The following UPP2 variants were observed in gnomAD, a reference collection of about 807,000 sequenced individuals.
The protein encoded by UPP2 is uridine phosphorylase 2.
In UPP2, 23 loss-of-function variants were observed where a neutral mutation model predicts 26.7. That is an observed-to-expected ratio of 0.86 (90% CI 0.62 to 1.22). The LOEUF is 1.22. Ranked by LOEUF, UPP2 falls within the 50% of genes most tolerant of loss-of-function variation. The pLI, the probability that UPP2 is intolerant of heterozygous loss-of-function variation, is 0.00. For synonymous variants in UPP2, 127 were observed against 141.3 expected (o/e 0.90, Z 0.72); for missense variants, 387 against 396.7 (o/e 0.98, Z 0.21).
chr2:158,057,737 C>T (rs1682269604), intron 3 of UPP2, among the ~76,000 whole-genome samples: 1 of 147,198 alleles, frequency 6.8e-6, no homozygotes, highest in African/African-American at 2.6e-5. Flanking sequence ...GATTCAGATT[C>T]TTTTTTGTTT....
At chr2:158,014,372 T>C (rs1236609789) in intron 2 of UPP2, among the ~76,000 whole-genome samples, 4 of 152,212 alleles carry the variant, frequency 2.6e-5, no homozygotes, top group African/African-American at 7.2e-5. Flanking sequence ...CAGGGAGCAG[T>C]GGGTCTGTAG....
intron 3 of UPP2, among the ~76,000 whole-genome samples, chr2:158,087,730 C>T (rs979003689): frequency 1.6e-4 from 25 of 152,058 alleles, no homozygotes; most frequent in African/African-American, 6.0e-4. Flanking sequence ...CTGAAAAAGA[C>T]CATCTTTCCT....
At chr2:158,003,216 A>G (rs1683436067) in intron 2 of UPP2, among the ~76,000 whole-genome samples, 1 of 152,034 alleles carries the variant, frequency 6.6e-6, no homozygotes, top group Admixed American at 6.6e-5. Context: ...GAGGTGTCAG[A>G]GCATGATGGG....
intron 3 of UPP2, among the ~76,000 whole-genome samples, chr2:158,045,950 T>C (rs752420115): frequency 3.3e-5 from 5 of 151,984 alleles, no homozygotes; most frequent in Non-Finnish European, 7.4e-5. Flanking sequence ...AGACAAAGAA[T>C]ATTAAATGGC....
intron 6 of UPP2, 76 bp from the exon 7 acceptor site, chr2:158,134,672 C>A: frequency 6.9e-7 from 1 of 1,456,700 alleles, no homozygotes. Context: ...GCTAGGGATG[C>A]TGGTGTGTTT....
intron 3 of UPP2, among the ~76,000 whole-genome samples, chr2:158,031,355 C>T (rs952734494): frequency 9.2e-5 from 14 of 152,306 alleles, no homozygotes; most frequent in Middle Eastern, 3.4e-3. Context: ...CCTAAACCTA[C>T]GTAAGGCATT....
chr2:158,079,941 C>T (rs1443879255), intron 3 of UPP2, among the ~76,000 whole-genome samples: 2 of 152,150 alleles, frequency 1.3e-5, no homozygotes, highest in African/African-American at 2.4e-5. Context: ...AGCCATTCAG[C>T]GTAATCATCA....
intron 2 of UPP2, among the ~76,000 whole-genome samples, chr2:158,008,794 G>A (rs761146367): frequency 2.6e-5 from 4 of 152,074 alleles, no homozygotes; most frequent in Non-Finnish European, 2.9e-5. Flanking sequence ...AGTCTTTGCA[G>A]GTATTAAATG....
chr2:158,004,162 A>G (rs1233280808), intron 2 of UPP2, among the ~76,000 whole-genome samples: 1 of 152,178 alleles, frequency 6.6e-6, no homozygotes, highest in Admixed American at 6.5e-5. Context: ...TATCTTAGAA[A>G]TATTTTCATA....
chr2:158,113,273 T>C (rs1444217646), intron 2 of UPP2, among the ~76,000 whole-genome samples: 1 of 152,232 alleles, frequency 6.6e-6, no homozygotes, highest in Non-Finnish European at 1.5e-5. Context: ...TTACATTCAC[T>C]GGCACCACAC....
chr2:158,089,435 G>A (rs921437225), intron 3 of UPP2, among the ~76,000 whole-genome samples: 1 of 152,198 alleles, frequency 6.6e-6, no homozygotes, highest in Non-Finnish European at 1.5e-5. Flanking sequence ...AGGGCTTTCA[G>A]ATTTTGCACC....
At chr2:158,109,799 G>A (rs909747932) in intron 2 of UPP2, among the ~76,000 whole-genome samples, 2 of 152,062 alleles carry the variant, frequency 1.3e-5, no homozygotes, top group African/African-American at 2.4e-5. Flanking sequence ...TAATACATAC[G>A]GTGGAAGATC....
intron 2 of UPP2, among the ~76,000 whole-genome samples, chr2:157,996,301 C>G (rs760718414): frequency 5.9e-5 from 9 of 151,996 alleles, no homozygotes; most frequent in Non-Finnish European, 1.0e-4. Flanking sequence ...CCTAAACATA[C>G]TTTTTTTTCT....
Position 158,118,702 on chromosome 2 carries a change from C to T in UPP2, c.454+764C>T, listed in dbSNP as rs573280474. 1.8e-3 allele frequency among the ~76,000 whole-genome samples: 271 copies of T among 151,994 alleles called. 1 individual carries two copies. The highest frequency in any genetic ancestry group is 3.8e-3 in the African/African-American group (156 of 41,498). ...AAATGGAGAAGTTTGGTTGACAGGG[C>T]GATAGAACTGAATGGGCATTATAAA... On this transcript the variant is annotated intron_variant, in intron 4 of 6. Transcript: ENST00000005756.
rs954304647 is a variant in UPP2 at position 158,095,685 on chromosome 2, G to A, written c.148-6355G>A. On this transcript the variant is annotated intron_variant, in intron 3 of 9. Transcript: ENST00000605860. ...AAATAATAATACCTATCTCACAGAC[G>A]TGTTGTGAGGATGAAATGAGATACG... Among the ~76,000 whole-genome samples the A allele has an allele frequency of 9.2e-5, 14 of 152,084 alleles. No homozygotes were observed. In the South Asian group the frequency reaches 1.0e-3, roughly 11 times the overall value.
chr2:158,029,006 C>T (rs752975327), intron 3 of UPP2, among the ~76,000 whole-genome samples: 2 of 152,206 alleles, frequency 1.3e-5, no homozygotes, highest in African/African-American at 2.4e-5. Flanking sequence ...ATCAGAGCTT[C>T]GTCAGCCCAG....
exon 3 of UPP2, chr2:158,015,834 T>C (rs1683649562): frequency 2.2e-6 from 1 of 453,554 alleles, no homozygotes; most frequent in Non-Finnish European, 4.4e-6. Flanking sequence ...TCCACCATGA[T>C]TGTAAGTGTC....
At chr2:158,093,554 A>C (rs1226381249) in intron 3 of UPP2, among the ~76,000 whole-genome samples, 2 of 152,206 alleles carry the variant, frequency 1.3e-5, no homozygotes, top group Non-Finnish European at 2.9e-5. Flanking sequence ...TAAAATACCC[A>C]AAAGAAAATA....
chr2:158,073,213 C>A (rs1391739576), intron 3 of UPP2, among the ~76,000 whole-genome samples: 1 of 151,742 alleles, frequency 6.6e-6, no homozygotes, highest in Non-Finnish European at 1.5e-5. Flanking sequence ...ATCAGAGTTC[C>A]TTAAGAGTAT....
Sources: gnomAD v4.1 joint callset for allele counts (sites outside exome capture counted in the v4.1 genomes callset) on GRCh38, gnomAD v4.1.1 for gene constraint, MANE v1.5 for transcripts, NCBI Gene and HGNC (gene_info 2026-07-23, HGNC 2026-07-21) for gene names.